PSMA1: variants seen among roughly 807,000 people sequenced by gnomAD.
PSMA1 encodes proteasome 20S subunit alpha 1.
In PSMA1, 3 loss-of-function variants were observed where a neutral mutation model predicts 38.4. The observed-to-expected ratio is 0.08, with a 90% CI of 0.04 to 0.20. The LOEUF (loss-of-function observed/expected upper bound fraction) is 0.20, where lower values mean the gene tolerates loss of function less well. PSMA1 is among the 10% of genes least tolerant of loss of function. The pLI is 1.00. For missense variants in PSMA1, 227 were observed against 325.3 expected, an observed-to-expected ratio of 0.70 and a Z score of 2.32; for synonymous variants, 101 against 107.1, an observed-to-expected ratio of 0.94 and a Z score of 0.35.
intron 1 of PSMA1, among the ~76,000 whole-genome samples, chr11:14,620,984 T>A (rs1852836837): frequency 6.6e-6 from 1 of 152,202 alleles, no homozygotes; most frequent in Non-Finnish European, 1.5e-5. Context: ...AGAAAAAATA[T>A]TCTTTTTTCT....
chr11:14,635,035 T>A (rs1266494614), intron 1 of PSMA1, among the ~76,000 whole-genome samples: 1 of 152,208 alleles, frequency 6.6e-6, no homozygotes, highest in Non-Finnish European at 1.5e-5. Context: ...TATAGCACAA[T>A]AAAACCTCAT....
Position 14,527,081 on chromosome 11 carries a change from C to T in PSMA1, c.22-8040G>A, listed in dbSNP as rs1392185069. ...AGGTTTCCTCACTACACAAGGTCCT[C>T]CATCATTAATGCCTCTTTAATAAAA... On this transcript the variant is annotated intron_variant, in intron 2 of 10. Coordinates refer to the PSMA1 transcript ENST00000418988. Among the ~76,000 whole-genome samples the T allele has an allele frequency of 2.0e-5, 3 of 152,190 alleles. No homozygotes were observed. The East Asian group carries it at 5.8e-4, about 29-fold the overall frequency.
At chr11:14,629,812 C>A (rs1249665041) in intron 1 of PSMA1, among the ~76,000 whole-genome samples, 1 of 151,730 alleles carries the variant, frequency 6.6e-6, no homozygotes, top group Non-Finnish European at 1.5e-5. Flanking sequence ...ATGGAATGTT[C>A]TTCCATTTGT....
At chr11:14,510,007 G>C (rs549940976) in intron 8 of PSMA1, among the ~76,000 whole-genome samples, 2 of 152,318 alleles carry the variant, frequency 1.3e-5, no homozygotes. Context: ...ACAGGCGTGA[G>C]CCACCGCGCC....
upstream of PSMA1, chr11:14,520,467 C>G (rs917953783): frequency 3.9e-6 from 6 of 1,530,788 alleles, no homozygotes; most frequent in African/African-American, 4.1e-5. Context: ...AACACTTCCC[C>G]CTCCTTAAAA....
At chr11:14,612,977 C>A (rs1224728617) in intron 1 of PSMA1, among the ~76,000 whole-genome samples, 1 of 151,974 alleles carries the variant, frequency 6.6e-6, no homozygotes, top group Admixed American at 6.5e-5. Flanking sequence ...AGACAAGGAA[C>A]TACATTAAGA....
intron 8 of PSMA1, among the ~76,000 whole-genome samples, 184 bp from the exon 9 acceptor site, chr11:14,507,950 ATAT>A (rs1404520105): frequency 6.6e-6 from 1 of 152,200 alleles, no homozygotes; most frequent in African/African-American, 2.4e-5. Flanking sequence ...TGCAGATTTA[ATAT>A]TAATACTAAC....
At chr11:14,571,894 A>G (rs926096448) in intron 2 of PSMA1, among the ~76,000 whole-genome samples, 6 of 152,244 alleles carry the variant, frequency 3.9e-5, no homozygotes, top group Non-Finnish European at 7.3e-5. Context: ...CTTTAAGCCA[A>G]CAAAGATCAA....
intron 2 of PSMA1, among the ~76,000 whole-genome samples, chr11:14,589,563 T>G (rs2134187413): frequency 6.6e-6 from 1 of 152,026 alleles, no homozygotes; most frequent in South Asian, 2.1e-4. Flanking sequence ...GACCCAGAGC[T>G]TACACACCGT....
In PSMA1 at chr11:14,508,561, C is replaced by CAGAAAAAAAAA. The variant is rs764878252; in HGVS notation, c.625-796_625-795insTTTTTTTTTCT. ...TCCTCTTCCAGTCACCACTCCATCT[C>CAGAAAAAAAAA]AAAAAAAAAAAAAAAACCCAGATTG... is the stretch of plus-strand genomic sequence containing the variant. On this transcript the variant is annotated intron_variant, in intron 8 of 9. Coordinates refer to ENST00000396394, the MANE Select transcript of PSMA1 (RefSeq NM_002786.4). Among the ~76,000 whole-genome samples the CAGAAAAAAAAA allele has an allele frequency of 2.8e-3, 133 of 47,120 alleles. 2 individuals carry two copies. The highest frequency in any genetic ancestry group is 0.011 in the African/African-American group (128 of 11,880). 30.9% of individuals were successfully genotyped at this position (47,120 alleles called of 152,430 possible). A position where few individuals can be genotyped will look rare whatever the true frequency, so the allele number is the denominator to read the frequency against.
At chr11:14,560,459 G>A (rs1226653369) in intron 2 of PSMA1, among the ~76,000 whole-genome samples, 1 of 152,042 alleles carries the variant, frequency 6.6e-6, no homozygotes, top group Non-Finnish European at 1.5e-5. Flanking sequence ...TGGGTTTCTG[G>A]TTACTATGTC....
rs189451078 is a variant in PSMA1 at position 14,603,715 on chromosome 11, A to G, written c.21+7251T>C. ...AAATATTTAGCTTCAGTAGATTCTT[A>G]TTGGACTTAAGCTGGTTGACTGTTT... is the stretch of plus-strand genomic sequence containing the variant. On this transcript the variant is annotated intron_variant, in intron 2 of 10. Transcript: ENST00000418988. 4.8e-3 allele frequency among the ~76,000 whole-genome samples: 727 copies of G among 152,376 alleles called. 11 individuals are homozygous for G. Among genetic ancestry groups the G allele is most frequent in the Non-Finnish European group, 3.8e-3 (259 of 68,034 alleles).
intron 2 of PSMA1, among the ~76,000 whole-genome samples, chr11:14,587,791 A>G (rs1852366348): frequency 6.6e-6 from 1 of 152,192 alleles, no homozygotes; most frequent in Admixed American, 6.5e-5. Flanking sequence ...ATGGCATACT[A>G]TATGAACAGT....
chr11:14,627,386 TTTAATGAATCAGAATCTCTGGGG>T (rs1852925111), intron 1 of PSMA1, among the ~76,000 whole-genome samples: 1 of 152,136 alleles, frequency 6.6e-6, no homozygotes, highest in African/African-American at 2.4e-5. Flanking sequence ...CCATCTCGGG[TTTAATGAATCAGAATCTCTGGGG>T]TTAGCATTCA....
chr11:14,541,559 T>C (rs1042377689), intron 2 of PSMA1, among the ~76,000 whole-genome samples: 10 of 152,188 alleles, frequency 6.6e-5, no homozygotes, highest in African/African-American at 2.4e-4. Flanking sequence ...GACCTTTAAC[T>C]AATTGGCAGG....
intron 1 of PSMA1, among the ~76,000 whole-genome samples, chr11:14,625,490 C>G (rs1852899303): frequency 6.6e-6 from 1 of 152,176 alleles, no homozygotes; most frequent in African/African-American, 2.4e-5. Context: ...CTATAGGGAA[C>G]ATAATTGACT....
chr11:14,572,716 G>A (rs1852160459), intron 2 of PSMA1, among the ~76,000 whole-genome samples: 1 of 152,114 alleles, frequency 6.6e-6, no homozygotes, highest in South Asian at 2.1e-4. Flanking sequence ...AAAAATCAAT[G>A]AATCCAGGAG....
intron 2 of PSMA1, among the ~76,000 whole-genome samples, chr11:14,540,816 A>G (rs766814810): frequency 5.9e-5 from 9 of 152,184 alleles, no homozygotes; most frequent in Non-Finnish European, 1.5e-5. Flanking sequence ...GATGGGGGAC[A>G]AAAACTTGGG....
Position 14,542,855 on chromosome 11 carries a change from AT to A in PSMA1, c.22-23815del, listed in dbSNP as rs1439951147. ...AGCTAATGGATTCCTTCTCAGAATG[AT>A]TTTTTTCTTTCTTTCTTGAGACGGA... On this transcript the variant is annotated intron_variant, in intron 2 of 10. Transcript: ENST00000418988. Among the ~76,000 whole-genome samples the A allele has an allele frequency of 5.3e-5, 8 of 152,196 alleles. No individual in the cohort carries two copies. The East Asian group carries it at 1.5e-3, about 29-fold the overall frequency.
Sources: gnomAD v4.1 joint callset for allele counts (sites outside exome capture counted in the v4.1 genomes callset) on GRCh38, gnomAD v4.1.1 for gene constraint, MANE v1.5 for transcripts, NCBI Gene and HGNC (gene_info 2026-07-23, HGNC 2026-07-21) for gene names.